Variants in PLEKHH2 observed in about 807,000 individuals in gnomAD.
PLEKHH2 encodes the protein pleckstrin homology, MyTH4 and FERM domain containing H2.
Under a neutral mutation model 187.9 loss-of-function variants are expected in PLEKHH2, and 129 were observed. The observed-to-expected ratio is 0.69, with a 90% CI of 0.59 to 0.79. The LOEUF (loss-of-function observed/expected upper bound fraction) is 0.79, where lower values mean the gene tolerates loss of function less well. PLEKHH2 is among the 30% of genes least tolerant of loss of function. The probability of loss-of-function intolerance (pLI) is 0.00; values close to 1 mark genes in which losing one functional copy is unlikely to be tolerated. For synonymous variants in PLEKHH2, 686 were observed against 605.6 expected (o/e 1.13, Z -1.95); for missense variants, 2,076 against 1,751.2 (o/e 1.19, Z -3.31).
At chr2:43,687,760 A>T (rs1322063369) in intron 3 of PLEKHH2, among the ~76,000 whole-genome samples, 1 of 151,452 alleles carries the variant, frequency 6.6e-6, no homozygotes, top group Non-Finnish European at 1.5e-5. Flanking sequence ...ATTTTTTCAT[A>T]TGTTTCTTGG....
At chr2:43,641,831 G>A (rs1665948231) in intron 1 of PLEKHH2, among the ~76,000 whole-genome samples, 1 of 152,146 alleles carries the variant, frequency 6.6e-6, no homozygotes, top group Non-Finnish European at 1.5e-5. Flanking sequence ...ACTTTATTCT[G>A]TTTATCTATA....
At chr2:43,667,084 G>C (rs897990001) in intron 2 of PLEKHH2, among the ~76,000 whole-genome samples, 2 of 151,994 alleles carry the variant, frequency 1.3e-5, no homozygotes, top group African/African-American at 4.8e-5. Context: ...AAAAATCTTT[G>C]CCTAACACAG....
At chr2:43,723,317 T>C (rs1248941345) in intron 16 of PLEKHH2, among the ~76,000 whole-genome samples, 23 of 152,018 alleles carry the variant, frequency 1.5e-4, no homozygotes, top group Non-Finnish European at 1.5e-5. Flanking sequence ...TATACATTTA[T>C]TTAAGTTTTA....
At chr2:43,642,512 G>A (rs1006028851) in intron 1 of PLEKHH2, among the ~76,000 whole-genome samples, 1 of 152,108 alleles carries the variant, frequency 6.6e-6, no homozygotes, top group Non-Finnish European at 1.5e-5. Flanking sequence ...TAGAAGTGGT[G>A]AGAAAAGACA....
At chr2:43,639,511 C>T (rs976582505) in intron 1 of PLEKHH2, among the ~76,000 whole-genome samples, 45 of 152,162 alleles carry the variant, frequency 3.0e-4, no homozygotes, top group Non-Finnish European at 6.3e-4. Context: ...TGTAAATGGA[C>T]TCATACAATA....
At chr2:43,756,173 A>G (rs534598235) in intron 25 of PLEKHH2, among the ~76,000 whole-genome samples, 1 of 152,354 alleles carries the variant, frequency 6.6e-6, no homozygotes, top group South Asian at 2.1e-4. Context: ...TGCTAGTAGA[A>G]TGAGAGTATG....
chr2:43,729,760 A>G lies in PLEKHH2; in HGVS notation c.2830+15A>G, dbSNP rs765640428. The G allele has an allele frequency of 6.5e-7, 1 of 1,537,132 alleles. No individual in the cohort carries two copies. On this transcript the variant is annotated intron_variant, in intron 18 of 29. Coordinates refer to ENST00000282406, the MANE Select transcript of PLEKHH2 (RefSeq NM_172069.4). ...CGGGGAGCCTTGTAAGTTCATAAAC[A>G]TATAAATAAAGCTTTATGGTTAATG...
intron 3 of PLEKHH2, chr2:43,681,479 T>G: frequency 6.5e-7 from 1 of 1,546,124 alleles, no homozygotes; most frequent in East Asian, 2.4e-5. Context: ...TTCCATCATC[T>G]TCTCTTTCCT....
rs1012387829 is a variant in PLEKHH2 at position 43,666,066 on chromosome 2, C to T, written c.124-12797C>T. Among the ~76,000 whole-genome samples, 35 of 149,434 alleles carry T rather than the reference C, an allele frequency of 2.3e-4. 3 individuals carry two copies. The highest frequency in any genetic ancestry group is 8.6e-4 in the African/African-American group (34 of 39,356). Reference sequence around the variant, plus strand: ...GCCTGGGCAATGGCGGGCTCCCCTCCCCCAGCCTTGCTGCCGCCTTGCAGT... The same window carrying T: ...GCCTGGGCAATGGCGGGCTCCCCTCTCCCAGCCTTGCTGCCGCCTTGCAGT... On this transcript the variant is annotated intron_variant, in intron 2 of 29. Transcript: ENST00000282406.
At chr2:43,702,500 C>G (rs1297907991) in intron 8 of PLEKHH2, among the ~76,000 whole-genome samples, 4 of 86,218 alleles carry the variant, frequency 4.6e-5, no homozygotes, top group Non-Finnish European at 9.4e-5. Flanking sequence ...CTTTTAAGTT[C>G]GTTTTATTTG....
At chr2:43,693,484 G>A (rs1408087350) in intron 4 of PLEKHH2, among the ~76,000 whole-genome samples, 1 of 152,108 alleles carries the variant, frequency 6.6e-6, no homozygotes, top group East Asian at 1.9e-4. Context: ...CCAGCACTTT[G>A]GGAGGCCAAG....
At position 43,743,816 on chromosome 2, in the gene PLEKHH2, T is replaced by C. The variant is rs760997292; in HGVS notation, c.3400-18T>C. 6 of 1,602,942 alleles carry C rather than the reference T, an allele frequency of 3.7e-6. No individual in the cohort carries two copies. Among genetic ancestry groups the C allele is most frequent in the Non-Finnish European group, 5.1e-6 (6 of 1,171,322 alleles). On this transcript the variant is annotated intron_variant, in intron 22 of 29. Coordinates refer to ENST00000282406, the MANE Select transcript of PLEKHH2 (RefSeq NM_172069.4). Reference sequence around the variant, plus strand: ...ATATATTTCTTATTAAGAGAACTGCTTTGTTATTTCTGTCTAGGTAGTTGG... The same window carrying C: ...ATATATTTCTTATTAAGAGAACTGCCTTGTTATTTCTGTCTAGGTAGTTGG...
intron 16 of PLEKHH2, among the ~76,000 whole-genome samples, chr2:43,724,177 C>G (rs1267949389): frequency 1.3e-5 from 2 of 148,606 alleles, no homozygotes; most frequent in African/African-American, 5.0e-5. Flanking sequence ...GAAATGCTAT[C>G]CAACATCTAA....
intron 1 of PLEKHH2, among the ~76,000 whole-genome samples, chr2:43,643,255 A>G (rs1157264377): frequency 5.3e-5 from 8 of 152,132 alleles, no homozygotes; most frequent in Non-Finnish European, 1.2e-4. Flanking sequence ...GATTCTATGA[A>G]AACAAAGAAA....
At chr2:43,680,889 G>T in intron 3 of PLEKHH2, 1 of 576,252 alleles carries the variant, frequency 1.7e-6, no homozygotes, top group Non-Finnish European at 3.1e-6. Context: ...TTGACAAGTA[G>T]AATTTCTGTT....
intron 2 of PLEKHH2, among the ~76,000 whole-genome samples, chr2:43,655,140 G>A (rs901424760): frequency 6.6e-6 from 1 of 152,112 alleles, no homozygotes; most frequent in African/African-American, 2.4e-5. Flanking sequence ...CAGAAGTTCC[G>A]GGGGCTGCAG....
chr2:43,763,950 C>A (rs1227027084), intron 28 of PLEKHH2, among the ~76,000 whole-genome samples: 1 of 151,968 alleles, frequency 6.6e-6, no homozygotes, highest in African/African-American at 2.4e-5. Context: ...CCACTAGATG[C>A]TGGAATATAG....
chr2:43,675,598 A>G lies in PLEKHH2; in HGVS notation c.124-3265A>G, dbSNP rs761617256. The stretch of plus-strand genomic sequence containing the variant: ...CTGTGCGATTGGTTTTGTATTAAAT[A>G]CATCTCTTCCTTCATAATCCTCTGC... On this transcript the variant is annotated intron_variant, in intron 2 of 29. Coordinates refer to ENST00000282406, the MANE Select transcript of PLEKHH2 (RefSeq NM_172069.4). 2.5e-6 allele frequency: 4 copies of G among 1,613,536 alleles called. No individual in the cohort carries two copies. Among genetic ancestry groups the G allele is most frequent in the Admixed American group, 1.7e-5 (1 of 59,968 alleles).
intron 1 of PLEKHH2, among the ~76,000 whole-genome samples, chr2:43,643,378 A>G (rs1445649742): frequency 6.6e-6 from 1 of 152,150 alleles, no homozygotes; most frequent in African/African-American, 2.4e-5. Context: ...TAAATGTTGT[A>G]GTCTTTTAAG....
Sources: gnomAD v4.1 joint callset for allele counts (sites outside exome capture counted in the v4.1 genomes callset) on GRCh38, gnomAD v4.1.1 for gene constraint, MANE v1.5 for transcripts, NCBI Gene and HGNC (gene_info 2026-07-23, HGNC 2026-07-21) for gene names.